TTLL7: variants seen among roughly 807,000 people sequenced by gnomAD.
TTLL7 encodes the protein tubulin polyglutamylase TTLL7.
TTLL7 carries 53 observed loss-of-function variants against 120.2 expected under a neutral mutation model. That is an observed-to-expected ratio of 0.44 (90% CI 0.35 to 0.55). The LOEUF (loss-of-function observed/expected upper bound fraction) is 0.55, where lower values mean the gene tolerates loss of function less well. TTLL7 is among the 20% of genes least tolerant of loss of function. The pLI is 0.00. For missense variants in TTLL7, 803 were observed against 1,054.7 expected, an observed-to-expected ratio of 0.76 and a Z score of 3.31; for synonymous variants, 353 against 351.7, an observed-to-expected ratio of 1.00 and a Z score of -0.04.
intron 1 of TTLL7, among the ~76,000 whole-genome samples, chr1:83,996,518 T>C (rs1358709013): frequency 6.6e-6 from 1 of 152,236 alleles, no homozygotes; most frequent in African/African-American, 2.4e-5. Context: ...CTTCAACCCA[T>C]GAAGACTTTC....
At chr1:83,951,582 G>A (rs1212853564) in intron 3 of TTLL7, among the ~76,000 whole-genome samples, 1 of 152,158 alleles carries the variant, frequency 6.6e-6, no homozygotes, top group Non-Finnish European at 1.5e-5. Context: ...ACAATGCCAA[G>A]TCCCTTTTTT....
chr1:83,901,672 T>C (rs568129146), intron 18 of TTLL7, among the ~76,000 whole-genome samples: 1 of 152,070 alleles, frequency 6.6e-6, no homozygotes, highest in South Asian at 2.1e-4. Flanking sequence ...CCAGCTTTAC[T>C]ACACCCTCCT....
At chr1:83,892,759 T>C (rs1169877977) in intron 18 of TTLL7, among the ~76,000 whole-genome samples, 1 of 151,788 alleles carries the variant, frequency 6.6e-6, no homozygotes, top group East Asian at 1.9e-4. Context: ...TGTGAACATA[T>C]ATATGAGCGC....
At chr1:83,927,905 G>A (rs1659269545) in intron 10 of TTLL7, among the ~76,000 whole-genome samples, 2 of 152,160 alleles carry the variant, frequency 1.3e-5, no homozygotes, top group Admixed American at 1.3e-4. Flanking sequence ...CACCCAGCTG[G>A]AGGAAGAAGG....
intron 12 of TTLL7, chr1:83,920,664 G>A (rs939438504): frequency 6.1e-5 from 10 of 165,008 alleles, no homozygotes; most frequent in African/African-American, 2.4e-4. Flanking sequence ...TATTGTGGAA[G>A]GGTTCCAGTT....
chr1:83,955,499 A>G (rs1404560717), intron 1 of TTLL7, among the ~76,000 whole-genome samples: 8 of 152,170 alleles, frequency 5.3e-5, no homozygotes, highest in African/African-American at 7.2e-5. Flanking sequence ...CCCTTCCACC[A>G]TGAGAACACA....
intron 19 of TTLL7, among the ~76,000 whole-genome samples, chr1:83,887,877 A>T (rs775425333): frequency 6.6e-6 from 1 of 152,062 alleles, no homozygotes; most frequent in African/African-American, 2.4e-5. Context: ...TTTTGTGGAG[A>T]TTATACAAAT....
In TTLL7 at chr1:83,988,360, C is replaced by G. The variant is rs532881075; in HGVS notation, c.-177+10571G>C. On this transcript the variant is annotated intron_variant, in intron 1 of 20. Transcript: ENST00000260505. ...GAACATATTATACAAGTACATGTAT[C>G]TTTTTGGTAGAACAACTTATTTTCT... Among the ~76,000 whole-genome samples the G allele has an allele frequency of 1.5e-4, 23 of 152,244 alleles. No homozygotes were observed. The South Asian group carries it at 4.8e-3, about 32-fold the overall frequency.
At chr1:83,893,715 T>C (rs1321568244) in intron 18 of TTLL7, among the ~76,000 whole-genome samples, 2 of 152,126 alleles carry the variant, frequency 1.3e-5, no homozygotes, top group African/African-American at 2.4e-5. Flanking sequence ...GTGATATTTA[T>C]AGAAGACTAG....
intron 10 of TTLL7, among the ~76,000 whole-genome samples, chr1:83,928,502 AT>A (rs1414395798): frequency 6.6e-6 from 1 of 152,150 alleles, no homozygotes; most frequent in Non-Finnish European, 1.5e-5. Context: ...AAATATTTGA[AT>A]CCCATGATCA....
At chr1:83,882,080 A>G (rs1452349668) in intron 20 of TTLL7, among the ~76,000 whole-genome samples, 1 of 110,428 alleles carries the variant, frequency 9.1e-6, no homozygotes, top group Non-Finnish European at 1.7e-5. Context: ...ACACTCTGGG[A>G]ACTGTTGTGG....
chr1:83,892,267 CGA>C (rs1655570723), intron 18 of TTLL7, among the ~76,000 whole-genome samples: 6 of 94,332 alleles, frequency 6.4e-5, no homozygotes, highest in Admixed American at 2.4e-4. Flanking sequence ...AATATATATA[CGA>C]ATATATATGA....
intron 18 of TTLL7, among the ~76,000 whole-genome samples, chr1:83,899,104 G>A (rs1189616489): frequency 2.0e-5 from 3 of 151,936 alleles, no homozygotes; most frequent in East Asian, 1.9e-4. Context: ...TTATAGTAAA[G>A]TTTTAATATA....
chr1:83,918,104 T>C (rs750799236), intron 13 of TTLL7, among the ~76,000 whole-genome samples: 4 of 152,168 alleles, frequency 2.6e-5, no homozygotes, highest in Non-Finnish European at 5.9e-5. Flanking sequence ...GACAGAAAAC[T>C]GATAATTGGA....
intron 1 of TTLL7, among the ~76,000 whole-genome samples, chr1:83,997,660 A>G (rs1653607114): frequency 6.6e-6 from 1 of 152,184 alleles, no homozygotes; most frequent in Admixed American, 6.5e-5. Context: ...ATCAAGTAAC[A>G]TTATCTTAGT....
In TTLL7 at chr1:83,955,928, G is replaced by C. The variant is rs1009223604; in HGVS notation, c.-176-3541C>G. 5.3e-5 allele frequency among the ~76,000 whole-genome samples: 8 copies of C among 152,238 alleles called. No homozygotes were observed. In the East Asian group the frequency reaches 1.5e-3, roughly 29 times the overall value. On this transcript the variant is annotated intron_variant, in intron 1 of 20. Transcript: ENST00000260505. ...AGAAGGAATGATAGCTTGAGCTAGG[G>C]AGGTCAAGGCTGCAGTGAGCTGTGT...
intron 20 of TTLL7, among the ~76,000 whole-genome samples, chr1:83,873,216 A>T (rs2100693773): frequency 6.6e-6 from 1 of 152,162 alleles, no homozygotes; most frequent in South Asian, 2.1e-4. Context: ...GGCATGAACT[A>T]AAAAAAGCAT....
chr1:83,955,197 G>A (rs1649402063), intron 1 of TTLL7, among the ~76,000 whole-genome samples: 1 of 152,024 alleles, frequency 6.6e-6, no homozygotes, highest in Non-Finnish European at 1.5e-5. Context: ...GCTATCACAG[G>A]CCTTATTTTT....
chr1:83,907,442 A>C lies in TTLL7; in HGVS notation c.1992+14T>G. ...GCTCCCTGTAATCTTGAAAGAGCAA[A>C]ACAGATGACCTACCACTTGAGAGTT... is the stretch of plus-strand genomic sequence containing the variant. On this transcript the variant is annotated intron_variant, in intron 16 of 20. Transcript: ENST00000260505. 6.2e-7 allele frequency: 1 copy of C among 1,611,450 alleles called. No individual in the cohort carries two copies. Among genetic ancestry groups the C allele is most frequent in the Non-Finnish European group, 8.5e-7 (1 of 1,178,518 alleles).
Sources: gnomAD v4.1 joint callset for allele counts (sites outside exome capture counted in the v4.1 genomes callset) on GRCh38, gnomAD v4.1.1 for gene constraint, MANE v1.5 for transcripts, NCBI Gene and HGNC (gene_info 2026-07-23, HGNC 2026-07-21) for gene names.